Variants in VPS13B observed in about 807,000 individuals in gnomAD.
VPS13B encodes intermembrane lipid transfer protein VPS13B.
Under a neutral mutation model 426.4 loss-of-function variants are expected in VPS13B, and 285 were observed. The ratio of observed to expected loss-of-function variants is 0.67; its 90% confidence interval spans 0.61 to 0.74. The LOEUF (loss-of-function observed/expected upper bound fraction) is 0.74, where lower values mean the gene tolerates loss of function less well. Ranked by LOEUF, VPS13B falls within the 30% of genes least tolerant of loss-of-function variation. VPS13B has a pLI of 0.00. For missense variants in VPS13B, 4,537 were observed against 4,782.6 expected (o/e 0.95, Z 1.51); for synonymous variants, 1,676 against 1,676.4 (o/e 1.00, Z 0.01).
chr8:99,828,394 G>GTTTCTTT, intron 51 of VPS13B, among the ~76,000 whole-genome samples: 1 of 17,446 alleles, frequency 5.7e-5, no homozygotes, highest in African/African-American at 2.4e-4. Flanking sequence ...TACAACCACC[G>GTTTCTTT]TTTTTTTTTT....
At chr8:99,279,219 CA>C (rs1400874119) in intron 19 of VPS13B, among the ~76,000 whole-genome samples, 1 of 152,116 alleles carries the variant, frequency 6.6e-6, no homozygotes, top group Non-Finnish European at 1.5e-5. Context: ...GCCTGGGTGA[CA>C]GAACGCAACC....
At chr8:99,079,352 C>G (rs1372946426) in intron 3 of VPS13B, among the ~76,000 whole-genome samples, 2 of 152,026 alleles carry the variant, frequency 1.3e-5, no homozygotes, top group Non-Finnish European at 2.9e-5. Context: ...CTCCAGATGA[C>G]ACCTGTGGCT....
At chr8:99,624,827 C>T (rs1436824823) in intron 33 of VPS13B, among the ~76,000 whole-genome samples, 2 of 149,382 alleles carry the variant, frequency 1.3e-5, no homozygotes, top group African/African-American at 4.9e-5. Context: ...TTTTTTTTCC[C>T]CCTTCCTGAG....
chr8:99,140,022 C>A (rs946973430), intron 12 of VPS13B, among the ~76,000 whole-genome samples: 2 of 151,842 alleles, frequency 1.3e-5, no homozygotes, highest in African/African-American at 4.8e-5. Flanking sequence ...AGTTTGAAGG[C>A]GGATTTGATT....
At chr8:99,745,954 G>T (rs1429443283) in intron 39 of VPS13B, among the ~76,000 whole-genome samples, 1 of 151,886 alleles carries the variant, frequency 6.6e-6, no homozygotes, top group African/African-American at 2.4e-5. Flanking sequence ...TTTAGATTTG[G>T]TTTGTTTGAA....
intron 33 of VPS13B, among the ~76,000 whole-genome samples, chr8:99,607,471 A>G (rs575630778): frequency 1.4e-3 from 208 of 152,308 alleles, no homozygotes; most frequent in African/African-American, 4.6e-3. Context: ...AGATTGTCCC[A>G]GGTATTTCCC....
chr8:99,640,302 G>A (rs1338254459), intron 33 of VPS13B, among the ~76,000 whole-genome samples: 1 of 151,048 alleles, frequency 6.6e-6, no homozygotes, highest in Admixed American at 6.6e-5. Context: ...TTTGAGATAG[G>A]GTCTCACTCT....
At chr8:99,190,766 T>G (rs1259445135) in intron 16 of VPS13B, among the ~76,000 whole-genome samples, 1 of 152,198 alleles carries the variant, frequency 6.6e-6, no homozygotes, top group African/African-American at 2.4e-5. Context: ...CTGAACTATG[T>G]TGTTATGATT....
At chr8:99,178,368 G>A (rs1363846413) in intron 16 of VPS13B, among the ~76,000 whole-genome samples, 2 of 139,742 alleles carry the variant, frequency 1.4e-5, no homozygotes, top group Non-Finnish European at 3.0e-5. Flanking sequence ...AGATCAGATA[G>A]TGCTTAGGTT....
intron 3 of VPS13B, among the ~76,000 whole-genome samples, chr8:99,041,970 T>C (rs1410137287): frequency 6.6e-6 from 1 of 152,038 alleles, no homozygotes; most frequent in East Asian, 1.9e-4. Flanking sequence ...ATCTAATAAA[T>C]GTAACTATTT....
At chr8:99,621,920 G>A (rs1828372802) in intron 33 of VPS13B, among the ~76,000 whole-genome samples, 1 of 131,560 alleles carries the variant, frequency 7.6e-6, no homozygotes, top group East Asian at 2.6e-4. Context: ...TGCAACCTCC[G>A]CCTCCCAGGT....
At chr8:99,020,090 A>G (rs1033964535) in intron 2 of VPS13B, among the ~76,000 whole-genome samples, 1 of 151,586 alleles carries the variant, frequency 6.6e-6, no homozygotes, top group African/African-American at 2.4e-5. Context: ...TTACATTCCT[A>G]CCAGCAATGT....
At chr8:99,427,741 C>G (rs1489573971) in intron 21 of VPS13B, among the ~76,000 whole-genome samples, 1 of 151,710 alleles carries the variant, frequency 6.6e-6, no homozygotes, top group Non-Finnish European at 1.5e-5. Flanking sequence ...AATGCCATCC[C>G]CATCAAGCTA....
chr8:99,805,692 TG>T (rs1243713610), intron 43 of VPS13B, among the ~76,000 whole-genome samples: 2 of 152,188 alleles, frequency 1.3e-5, no homozygotes, highest in Admixed American at 1.3e-4. Context: ...GGGGGTCTGC[TG>T]GAAAAAAAGA....
At chr8:99,868,529 G>A in intron 59 of VPS13B, 64 bp downstream of exon 59, 2 of 1,548,948 alleles carry the variant, frequency 1.3e-6, no homozygotes, top group Admixed American at 3.9e-5. Context: ...TTATACCAAG[G>A]GTTCCCTAAG....
chr8:99,673,402 G>T (rs941336138), intron 35 of VPS13B, among the ~76,000 whole-genome samples: 1 of 151,856 alleles, frequency 6.6e-6, no homozygotes, highest in Admixed American at 6.6e-5. Context: ...TATTCAATTT[G>T]TTGGCATATA....
At chr8:99,789,496 G>C (rs1470885179) in intron 43 of VPS13B, among the ~76,000 whole-genome samples, 2 of 152,198 alleles carry the variant, frequency 1.3e-5, no homozygotes, top group Middle Eastern at 3.4e-3. Context: ...TTTATTTCTA[G>C]AAAGCAATTG....
At chr8:99,119,827 G>A (rs1847851706) in intron 7 of VPS13B, among the ~76,000 whole-genome samples, 1 of 151,986 alleles carries the variant, frequency 6.6e-6, no homozygotes, top group African/African-American at 2.4e-5. Flanking sequence ...TATCAATGGA[G>A]AGTAGATATG....
chr8:99,491,952 T>C (rs1820628970), intron 25 of VPS13B, among the ~76,000 whole-genome samples: 1 of 152,196 alleles, frequency 6.6e-6, no homozygotes, highest in Admixed American at 6.5e-5. Context: ...GCTCTGGTTT[T>C]TGGAATTTTC....
Sources: gnomAD v4.1 joint callset for allele counts (sites outside exome capture counted in the v4.1 genomes callset) on GRCh38, gnomAD v4.1.1 for gene constraint, MANE v1.5 for transcripts, NCBI Gene and HGNC (gene_info 2026-07-23, HGNC 2026-07-21) for gene names.